The following ATF6 variants were observed in gnomAD, a reference collection of about 807,000 sequenced individuals.
ATF6 encodes the protein cyclic AMP-dependent transcription factor ATF-6 alpha.
In ATF6, 53 loss-of-function variants were observed where a neutral mutation model predicts 83.6. The observed-to-expected ratio is 0.63, with a 90% CI of 0.51 to 0.80. The LOEUF is 0.80. Among genes scored for constraint, ATF6 ranks in the 30% least tolerant of loss-of-function variants. ATF6 has a pLI of 0.00. For missense variants in ATF6, 744 were observed against 797.9 expected (o/e 0.93, Z 0.81); for synonymous variants, 288 against 285.8 (o/e 1.01, Z -0.08).
intron 15 of ATF6, among the ~76,000 whole-genome samples, chr1:161,933,895 T>C (rs1442352298): frequency 1.3e-5 from 2 of 152,204 alleles, no homozygotes; most frequent in Non-Finnish European, 2.9e-5. Flanking sequence ...ACCCAGATCG[T>C]TACATGGCTC....
At chr1:161,856,368 T>G (rs1252371235) in intron 12 of ATF6, among the ~76,000 whole-genome samples, 1 of 152,212 alleles carries the variant, frequency 6.6e-6, no homozygotes, top group East Asian at 1.9e-4. Flanking sequence ...ATGTCACATG[T>G]ACCCCAAAGT....
chr1:161,783,831 T>C (rs1022471836), intron 3 of ATF6, among the ~76,000 whole-genome samples, 159 bp from the exon 4 acceptor site: 1 of 152,004 alleles, frequency 6.6e-6, no homozygotes, highest in African/African-American at 2.4e-5. Flanking sequence ...ATACTAGATA[T>C]ATTGTTTTCT....
intron 9 of ATF6, among the ~76,000 whole-genome samples, chr1:161,842,587 A>G (rs2101814574): frequency 6.6e-6 from 1 of 152,298 alleles, no homozygotes; most frequent in East Asian, 1.9e-4. Flanking sequence ...ATTGGAGACT[A>G]TTCTAAGTGA....
intron 12 of ATF6, among the ~76,000 whole-genome samples, chr1:161,856,393 T>C (rs1195841823): frequency 6.6e-6 from 1 of 152,244 alleles, no homozygotes; most frequent in African/African-American, 2.4e-5. Context: ...AAGCTGCTTA[T>C]TGGCATTGGT....
intron 15 of ATF6, among the ~76,000 whole-genome samples, chr1:161,913,247 T>C (rs1642924868): frequency 6.6e-6 from 1 of 152,186 alleles, no homozygotes; most frequent in African/African-American, 2.4e-5. Flanking sequence ...AACCTCAGTA[T>C]ATGAAGAAGA....
chr1:161,839,014 A>G (rs147668874), intron 9 of ATF6, among the ~76,000 whole-genome samples: 2 of 152,328 alleles, frequency 1.3e-5, no homozygotes, highest in Admixed American at 1.3e-4. Flanking sequence ...TTTTAGTCTC[A>G]GTTGCATTGA....
chr1:161,818,615 A>G (rs950555700), intron 7 of ATF6, among the ~76,000 whole-genome samples: 3 of 152,218 alleles, frequency 2.0e-5, no homozygotes, highest in Non-Finnish European at 4.4e-5. Context: ...TTGAGTTCAA[A>G]TGGACCTTGG....
intron 15 of ATF6, among the ~76,000 whole-genome samples, chr1:161,943,386 G>T (rs947838375): frequency 1.7e-4 from 26 of 152,248 alleles, no homozygotes; most frequent in Non-Finnish European, 2.2e-4. Flanking sequence ...TAAGTTTCCT[G>T]AGGCCTCCCC....
chr1:161,916,303 G>A (rs1688100290), intron 15 of ATF6, among the ~76,000 whole-genome samples: 1 of 152,050 alleles, frequency 6.6e-6, no homozygotes, highest in South Asian at 2.1e-4. Flanking sequence ...TAGAAAAGTT[G>A]ACAGATGAGT....
intron 9 of ATF6, among the ~76,000 whole-genome samples, chr1:161,843,608 TTAGTACATAGTAGG>T (rs1449832090): frequency 1.3e-5 from 2 of 152,180 alleles, no homozygotes; most frequent in Admixed American, 1.3e-4. Context: ...CTTCATTTCC[TTAGTACATAGTAGG>T]TACTCAAAAG....
chr1:161,953,332 T>C (rs975019671), intron 15 of ATF6, among the ~76,000 whole-genome samples: 1 of 152,174 alleles, frequency 6.6e-6, no homozygotes, highest in African/African-American at 2.4e-5. Flanking sequence ...CCCTGCTCAC[T>C]AAATTTTAGT....
chr1:161,940,034 C>G (rs1688613741), intron 15 of ATF6, among the ~76,000 whole-genome samples: 1 of 152,146 alleles, frequency 6.6e-6, no homozygotes, highest in Admixed American at 6.5e-5. Context: ...TCAGCTGCCT[C>G]CCTAACATTC....
chr1:161,845,283 C>A (rs1206135126), intron 9 of ATF6, among the ~76,000 whole-genome samples: 2 of 152,128 alleles, frequency 1.3e-5, no homozygotes, highest in Non-Finnish European at 2.9e-5. Context: ...TACCCTTTTT[C>A]ATTAGCCTTA....
chr1:161,939,910 C>T (rs1000527101), intron 15 of ATF6, among the ~76,000 whole-genome samples: 3 of 152,128 alleles, frequency 2.0e-5, no homozygotes, highest in Admixed American at 6.6e-5. Flanking sequence ...GGAAAAAGAG[C>T]GTGATGGATT....
At chr1:161,925,100 T>C (rs1380717743) in intron 15 of ATF6, among the ~76,000 whole-genome samples, 1 of 152,222 alleles carries the variant, frequency 6.6e-6, no homozygotes, top group Non-Finnish European at 1.5e-5. Flanking sequence ...GTATACTATA[T>C]ACCCTCTGAG....
chr1:161,939,732 G>A (rs757561235), intron 15 of ATF6, among the ~76,000 whole-genome samples: 10 of 152,304 alleles, frequency 6.6e-5, no homozygotes, highest in South Asian at 6.2e-4. Context: ...AAGTGAGAAC[G>A]TATCCCTTCC....
At chr1:161,808,325 T>C (rs1032568849) in intron 7 of ATF6, among the ~76,000 whole-genome samples, 3 of 152,236 alleles carry the variant, frequency 2.0e-5, no homozygotes, top group African/African-American at 7.2e-5. Flanking sequence ...ACAGTCCTTT[T>C]ATACCCCAGA....
Position 161,924,424 on chromosome 1 carries a change from T to C in ATF6, c.1804+12044T>C, listed in dbSNP as rs114943912. On this transcript the variant is annotated intron_variant, in intron 15 of 15. Coordinates refer to ENST00000367942, the MANE Select transcript of ATF6 (RefSeq NM_007348.4). ...TCCACATATTTAAAAAAATCTAGAA[T>C]CTTGACATTGAAAATATAAATGCAG... Among the ~76,000 whole-genome samples the C allele has an allele frequency of 2.3e-3, 350 of 152,278 alleles. 3 individuals carry two copies. The highest frequency in any genetic ancestry group is 8.2e-3 in the African/African-American group (342 of 41,560).
chr1:161,912,385 G>A lies in ATF6; in HGVS notation c.1804+5G>A. On this transcript the variant is annotated splice_donor_5th_base_variant and intron_variant, in intron 15 of 15. Coordinates refer to ENST00000367942, the MANE Select transcript of ATF6 (RefSeq NM_007348.4). The stretch of plus-strand genomic sequence containing the variant: ...TACCAGCAATAAACATAAATGGTAA[G>A]TTGAAATTCTGATGTATGAACAATA... The A allele has an allele frequency of 6.3e-7, 1 of 1,593,880 alleles. No homozygotes were observed. Among genetic ancestry groups the A allele is most frequent in the Non-Finnish European group, 8.6e-7 (1 of 1,165,118 alleles).
Sources: gnomAD v4.1 joint callset for allele counts (sites outside exome capture counted in the v4.1 genomes callset) on GRCh38, gnomAD v4.1.1 for gene constraint, MANE v1.5 for transcripts, NCBI Gene and HGNC (gene_info 2026-07-23, HGNC 2026-07-21) for gene names.